MMEL1: variants seen among roughly 807,000 people sequenced by gnomAD.
The protein encoded by MMEL1 is membrane metallo-endopeptidase-like 1.
A neutral mutation model predicts 117.1 loss-of-function variants in MMEL1; 98 were observed. That is an observed-to-expected ratio of 0.84 (90% confidence interval 0.71 to 0.99). The LOEUF is 0.99. Ranked by LOEUF, MMEL1 falls within the 50% of genes least tolerant of loss-of-function variation. The probability of loss-of-function intolerance (pLI) is 0.00; values close to 1 mark genes in which losing one functional copy is unlikely to be tolerated. For missense variants in MMEL1, 1,014 were observed against 1,049.1 expected (o/e 0.97, Z 0.46); for synonymous variants, 390 against 415.1 (o/e 0.94, Z 0.74).
At position 2,595,230 on chromosome 1, in the gene MMEL1, T is replaced by C; in HGVS notation, c.1584+46A>G. On this transcript the variant is annotated intron_variant, in intron 16 of 23. Coordinates refer to ENST00000378412, the MANE Select transcript of MMEL1 (RefSeq NM_033467.4). The surrounding 1 kb of genome is among the most constrained non-coding windows in gnomAD (Gnocchi z 4.8). ...GGAGCCCCCAGGCAATCAGGGCCCA[T>C]GTCCACGGTGTGGGGGGCAGTTTAG... 6.5e-7 allele frequency: 1 copy of C among 1,543,076 alleles called. No homozygotes were observed. Among genetic ancestry groups the C allele is most frequent in the Non-Finnish European group, 8.9e-7 (1 of 1,118,906 alleles).
intron 23 of MMEL1, 122 bp from the exon 24 acceptor site, chr1:2,591,211 C>G (rs1351450026): frequency 4.5e-6 from 3 of 661,974 alleles, no homozygotes; most frequent in Admixed American, 6.2e-5. Flanking sequence ...TCAGTATGAG[C>G]AGAAACATTT....
At chr1:2,593,532 C>T (rs1473054683) in intron 19 of MMEL1, among the ~76,000 whole-genome samples, 1 of 152,178 alleles carries the variant, frequency 6.6e-6, no homozygotes, top group Non-Finnish European at 1.5e-5. Flanking sequence ...GTTGTCGTCC[C>T]CATGTCACAG....
intron 11 of MMEL1, among the ~76,000 whole-genome samples, chr1:2,599,389 G>A (rs933563594): frequency 2.6e-5 from 4 of 152,160 alleles, no homozygotes; most frequent in Admixed American, 6.5e-5. Context: ...ATATATCACA[G>A]CTGAATTAGA....
At chr1:2,611,688 G>A (rs1188449388) in intron 3 of MMEL1, among the ~76,000 whole-genome samples, 1 of 152,152 alleles carries the variant, frequency 6.6e-6, no homozygotes, top group Non-Finnish European at 1.5e-5. Flanking sequence ...GGACCTGGGA[G>A]CCCCTTTACA....
Position 2,593,848 on chromosome 1 carries a change from G to A in MMEL1, c.1833C>T (p.Ile611=), listed in dbSNP as rs552778482. ...ALNFGGIGMV[I]GHEITHGFDD... is the part of the protein sequence containing the mutation. ...CAAAGCCGTGCGTGATCTCGTGCCCGATCACCATCCCAATGCCTCCAAAGT... is the reference window on the plus strand; with the variant it reads ...CAAAGCCGTGCGTGATCTCGTGCCCAATCACCATCCCAATGCCTCCAAAGT... Residue 611 remains isoleucine, a synonymous_variant, in exon 19 of 24, where the codon ATC becomes ATT. Coordinates refer to ENST00000378412, the MANE Select transcript of MMEL1 (RefSeq NM_033467.4). 8.7e-6 allele frequency: 14 copies of A among 1,612,048 alleles called. No homozygotes were observed. In the East Asian group the frequency reaches 1.6e-4, roughly 18 times the overall value.
At position 2,598,241 on chromosome 1, in the gene MMEL1, T is replaced by C. The variant is rs1644877602; in HGVS notation, c.1238A>G (p.Gln413Arg). ...LVLDRIGSLS[Q>R]RFKDTRVNYR... is the part of the protein sequence containing the mutation. The stretch of plus-strand genomic sequence containing the variant: ...GTTCACTCGTGTGTCCTTGAATCTC[T>C]GGCTTAGGCTACCAATGCGGTCCAG... Residue 413 changes from glutamine (Q) to arginine (R), a missense_variant, in exon 13 of 24, where the codon CAG becomes CGG. By Grantham distance (43) the Gln-to-Arg change is conservative. Transcript: ENST00000378412. 1.9e-6 allele frequency: 3 copies of C among 1,613,974 alleles called. No individual in the cohort carries two copies. Among genetic ancestry groups the C allele is most frequent in the Non-Finnish European group, 2.5e-6 (3 of 1,179,990 alleles).
intron 1 of MMEL1, among the ~76,000 whole-genome samples, chr1:2,630,479 T>TGTGTGCA (rs772494653): frequency 6.7e-6 from 1 of 149,060 alleles, no homozygotes; most frequent in Non-Finnish European, 1.5e-5. Context: ...TGCATGTGTG[T>TGTGTGCA]GTGTGCACGT....
intron 18 of MMEL1, 54 bp from the exon 19 acceptor site, chr1:2,593,987 T>C (rs1644788979): frequency 6.5e-7 from 1 of 1,532,636 alleles, no homozygotes; most frequent in Non-Finnish European, 8.8e-7. Context: ...ATCTCCTGTG[T>C]GCCAGGCTCA....
intron 2 of MMEL1, among the ~76,000 whole-genome samples, chr1:2,617,908 C>T (rs879238049): frequency 1.3e-5 from 2 of 152,222 alleles, no homozygotes; most frequent in Admixed American, 1.3e-4. Flanking sequence ...GGGCAGCTTT[C>T]CTGAATACTC....
At position 2,598,780 on chromosome 1, in the gene MMEL1, CAGT is replaced by C; in HGVS notation, c.1049_1051del (p.Asn350_Trp351delinsArg). Reference sequence around the variant, plus strand: ...TAGCACAGTTTGTATGAACAGAGTCCAGTTAAATCCCTGCAGATAGAGGAAGTG... The same window carrying C: ...TAGCACAGTTTGTATGAACAGAGTCCTAAATCCCTGCAGATAGAGGAAGTG... On this transcript the variant is annotated inframe_deletion, in exon 12 of 24. Transcript: ENST00000378412. The C allele has an allele frequency of 6.2e-7, 1 of 1,612,486 alleles. No individual in the cohort carries two copies. Among genetic ancestry groups the C allele is most frequent in the South Asian group, 1.1e-5 (1 of 91,012 alleles).
intron 13 of MMEL1, among the ~76,000 whole-genome samples, chr1:2,597,418 C>T (rs1390003061): frequency 6.6e-6 from 1 of 152,064 alleles, no homozygotes; most frequent in Non-Finnish European, 1.5e-5. Context: ...CTGTCCCTCC[C>T]ATTACTCTAA....
intron 17 of MMEL1, 59 bp downstream of exon 17, chr1:2,594,731 C>T (rs576341883): frequency 1.9e-4 from 275 of 1,437,046 alleles, no homozygotes; most frequent in South Asian, 1.4e-3. Flanking sequence ...CAGCCCTGCA[C>T]GCCTTACTGG....
chr1:2,631,770 C>T (rs1311219902), intron 1 of MMEL1, among the ~76,000 whole-genome samples: 1 of 152,152 alleles, frequency 6.6e-6, no homozygotes, highest in Non-Finnish European at 1.5e-5. Flanking sequence ...ATCTGCCTCC[C>T]TTGCCTGCGT....
chr1:2,605,904 G>A (rs888672800), intron 8 of MMEL1, among the ~76,000 whole-genome samples: 5 of 152,296 alleles, frequency 3.3e-5, no homozygotes, highest in African/African-American at 4.8e-5. Flanking sequence ...AGTGGGGCGC[G>A]TATTTGTTTC....
intron 11 of MMEL1, 79 bp downstream of exon 11, chr1:2,603,805 C>T: frequency 4.6e-6 from 6 of 1,299,628 alleles, no homozygotes; most frequent in South Asian, 3.7e-5. Context: ...AGGCAACGTG[C>T]CCTCTCAGAG....
At chr1:2,609,507 G>A (rs1645092397) in intron 5 of MMEL1, 88 bp from the exon 6 acceptor site, 4 of 1,517,858 alleles carry the variant, frequency 2.6e-6, no homozygotes, top group East Asian at 2.4e-5. Flanking sequence ...AGTGCTCGGC[G>A]AGAGGCGGCC....
chr1:2,591,080 C>T lies in MMEL1; in HGVS notation c.2250G>A (p.Gly750=). ...VHSPLKYRVL[G]SLQNLAAFAD... ...CGAAGGCGGCCAGGTTCTGCAGCGA[C>T]CCCAGTACCCTGTGGGTGGGTGGGT... The change falls in exon 24 of 24, where the codon GGG becomes GGA. Residue 750 remains glycine (G), a synonymous_variant. Transcript: ENST00000378412. 6.3e-7 allele frequency: 1 copy of T among 1,589,168 alleles called. No homozygotes were observed. The highest frequency in any genetic ancestry group is 8.6e-7 in the Non-Finnish European group (1 of 1,168,070).
At chr1:2,591,814 CT>C in intron 22 of MMEL1, 117 bp downstream of exon 22, 4 of 1,177,696 alleles carry the variant, frequency 3.4e-6, no homozygotes, top group Admixed American at 1.8e-5. Flanking sequence ...GCCCCTCATG[CT>C]TTTCCCCCAA....
In MMEL1 at chr1:2,591,086, T is replaced by C; in HGVS notation, c.2244A>G (p.Val748=). The change falls in exon 24 of 24, where the codon GTA becomes GTG. Residue 748 remains valine (V), a synonymous_variant. Coordinates refer to ENST00000378412, the MANE Select transcript of MMEL1 (RefSeq NM_033467.4). Reference sequence around the variant, plus strand: ...CGGCCAGGTTCTGCAGCGACCCCAGTACCCTGTGGGTGGGTGGGTGTGACA... The same window carrying C: ...CGGCCAGGTTCTGCAGCGACCCCAGCACCCTGTGGGTGGGTGGGTGTGACA... ...TDVHSPLKYR[V]LGSLQNLAAF... The C allele has an allele frequency of 6.3e-7, 1 of 1,584,080 alleles. No homozygotes were observed. The highest frequency in any genetic ancestry group is 1.2e-5 in the South Asian group (1 of 86,254).
Sources: gnomAD v4.1 joint callset for allele counts (sites outside exome capture counted in the v4.1 genomes callset) on GRCh38, gnomAD v4.1.1 for gene constraint, Gnocchi (gnomAD v3.1) non-coding constraint, MANE v1.5 for transcripts, NCBI Gene and HGNC (gene_info 2026-07-23, HGNC 2026-07-21) for gene names.